The following PPP1R15A variants were observed in gnomAD, a reference collection of about 807,000 sequenced individuals.
The protein encoded by PPP1R15A is growth arrest and DNA damage-inducible protein GADD34.
A neutral mutation model predicts 48.5 loss-of-function variants in PPP1R15A; 43 were observed. The observed-to-expected ratio is 0.89, with a 90% CI of 0.69 to 1.14. The LOEUF (loss-of-function observed/expected upper bound fraction) is 1.14. Ranked by LOEUF, PPP1R15A falls within the 50% of genes most tolerant of loss-of-function variation. The pLI is 0.00. For synonymous variants in PPP1R15A, 327 were observed against 327.4 expected (o/e 1.00, Z 0.01); for missense variants, 868 against 847.2 (o/e 1.02, Z -0.30).
Position 48,873,245 on chromosome 19 carries a change from C to A in PPP1R15A, c.12C>A (p.Gly4=), listed in dbSNP as rs2037030275. MAP[G]QAPHQATPWR... is the part of the protein sequence containing the mutation. Reference sequence around the variant, plus strand: ...TCCAGCCCAGACACATGGCCCCAGGCCAAGCACCCCATCAGGCTACCCCGT... The same window carrying A: ...TCCAGCCCAGACACATGGCCCCAGGACAAGCACCCCATCAGGCTACCCCGT... Residue 4 remains glycine, a synonymous_variant, in exon 2 of 3, where the codon GGC becomes GGA. Coordinates refer to ENST00000200453, the MANE Select transcript of PPP1R15A (RefSeq NM_014330.5). 1.3e-6 allele frequency: 2 copies of A among 1,526,594 alleles called. No homozygotes were observed. Among genetic ancestry groups the A allele is most frequent in the South Asian group, 2.6e-5 (2 of 78,236 alleles). 94.6% of individuals were successfully genotyped at this position (1,526,594 alleles called of 1,614,324 possible). A position where few individuals can be genotyped will look rare whatever the true frequency, so the allele number is the denominator to read the frequency against.
chr19:48,873,207 T>C lies in PPP1R15A; in HGVS notation c.-9-18T>C. ...CTAAATGGCCCCTAAACTTTATTTT[T>C]TTCTCCCCCTTTTCCAGCCCAGACA... On this transcript the variant is annotated intron_variant, in intron 1 of 2. Transcript: ENST00000200453. 1 of 1,465,172 alleles carries C rather than the reference T, an allele frequency of 6.8e-7. No homozygotes were observed. Among genetic ancestry groups the C allele is most frequent in the Non-Finnish European group, 9.0e-7 (1 of 1,105,560 alleles). 90.8% of individuals were successfully genotyped at this position (1,465,172 alleles called of 1,614,324 possible). A position where few individuals can be genotyped will look rare whatever the true frequency, so the allele number is the denominator to read the frequency against.
Position 48,872,430 on chromosome 19 carries a change from G to C in PPP1R15A, c.-231G>C, listed in dbSNP as rs1439416718. ...GGCCATTGTGTTCGTTGCTCTTATC[G>C]GTTCCCATCCCAGTTGTTGATCTTA... On this transcript the variant is annotated 5_prime_UTR_variant, in exon 1 of 3. Coordinates refer to ENST00000200453, the MANE Select transcript of PPP1R15A (RefSeq NM_014330.5). 1 of 456,422 alleles carries C rather than the reference G, an allele frequency of 2.2e-6. No homozygotes were observed. Among genetic ancestry groups the C allele is most frequent in the Admixed American group, 2.3e-5 (1 of 42,562 alleles). 28.3% of individuals were successfully genotyped at this position (456,422 alleles called of 1,614,324 possible).
chr19:48,873,047 T>G (rs1199764819), intron 1 of PPP1R15A, among the ~76,000 whole-genome samples, 178 bp from the exon 2 acceptor site: 3 of 152,032 alleles, frequency 2.0e-5, no homozygotes, highest in Non-Finnish European at 4.4e-5. Context: ...TATTGAGAGA[T>G]AAGAACAGAG....
chr19:48,873,083 G>T (rs2037027932), intron 1 of PPP1R15A, 142 bp from the exon 2 acceptor site: 2 of 1,329,116 alleles, frequency 1.5e-6, no homozygotes, highest in African/African-American at 2.9e-5. Context: ...GGGCGTGGCC[G>T]AGATCAGAAA....
In PPP1R15A at chr19:48,874,597, A is replaced by G; in HGVS notation, c.1364A>G (p.Asp455Gly). 1.9e-6 allele frequency: 3 copies of G among 1,614,154 alleles called. No homozygotes were observed. Among genetic ancestry groups the G allele is most frequent in the Non-Finnish European group, 2.5e-6 (3 of 1,179,998 alleles). ...DEDVDSEDKE[D>G]DSEAALGEAE... is the part of the protein sequence containing the mutation. ...GATGTGGATAGTGAGGATAAGGAAG[A>G]TGATTCAGAAGCAGCCTTGGGAGAA... Residue 455 changes from aspartate to glycine, a missense_variant, in exon 2 of 3, where the codon GAT (aspartate) becomes GGT (glycine). Coordinates refer to ENST00000200453, the MANE Select transcript of PPP1R15A (RefSeq NM_014330.5).
chr19:48,875,451 A>C, intron 2 of PPP1R15A, 163 bp from the exon 3 acceptor site: 1 of 959,622 alleles, frequency 1.0e-6, no homozygotes, highest in Non-Finnish European at 1.5e-6. Flanking sequence ...TCAGATAGAT[A>C]GAGAATCCCG....
Position 48,874,509 on chromosome 19 carries a change from A to C in PPP1R15A, c.1276A>C (p.Ser426Arg), listed in dbSNP as rs2037054229. 1.9e-6 allele frequency: 3 copies of C among 1,613,582 alleles called. No individual in the cohort carries two copies. Among genetic ancestry groups the C allele is most frequent in the East Asian group, 4.5e-5 (2 of 44,852 alleles). ...AETSASTPPA[S>R]AFLKAWVYRP... is the part of the protein sequence containing the mutation. ...GACTTCTGCTTCCACACCCCCTGCAAGTGCTTTCTTGAAGGCCTGGGTGTA... is the reference window on the plus strand; with the variant it reads ...GACTTCTGCTTCCACACCCCCTGCACGTGCTTTCTTGAAGGCCTGGGTGTA... The change falls in exon 2 of 3, where the codon AGT becomes CGT. Residue 426 changes from serine (S) to arginine (R), a missense_variant. Physicochemically the swap from Ser to Arg is moderately radical, Grantham distance 110. Transcript: ENST00000200453.
Position 48,874,021 on chromosome 19 carries a change from G to C in PPP1R15A, c.788G>C (p.Arg263Pro), listed in dbSNP as rs148913925. 2 of 1,614,034 alleles carry C rather than the reference G, an allele frequency of 1.2e-6. No individual in the cohort carries two copies. The highest frequency in any genetic ancestry group is 8.5e-7 in the Non-Finnish European group (1 of 1,180,028). Reference protein sequence around the residue: ...SGSDPRSWEYRSGEASEEKEE... With the variant: ...SGSDPRSWEYPSGEASEEKEE... ...TCCGACCCCAGGTCCTGGGAGTATC[G>C]TTCAGGAGAGGCGTCCGAGGAGAAG... is the stretch of plus-strand genomic sequence containing the variant. The change falls in exon 2 of 3, where the codon CGT becomes CCT. Residue 263 changes from arginine to proline, a missense_variant. By Grantham distance (103) the Arg-to-Pro change is moderately radical (BLOSUM62 -2). Transcript: ENST00000200453.
chr19:48,875,666 CG>C lies in PPP1R15A; in HGVS notation c.1720del (p.Ala574ProfsTer30). 10 of 1,610,122 alleles carry C rather than the reference CG, an allele frequency of 6.2e-6. No homozygotes were observed. Among genetic ancestry groups the C allele is most frequent in the Non-Finnish European group, 7.6e-6 (9 of 1,178,748 alleles). On this transcript the variant is annotated frameshift_variant, in exon 3 of 3. Transcript: ENST00000200453. LOFTEE classifies it low-confidence loss of function (END_TRUNC). Reference protein sequence around the residue: ...TVHFLAVWAGPAQAARQGPWE... With the variant: ...TVHFLAVWAGXAQAARQGPWE... ...CATTTCCTGGCTGTCTGGGCAGGGC[CG>C]GCCCAGGCCGCCCGCCAGGGCCCCT...
chr19:48,875,936 C>A lies in PPP1R15A; in HGVS notation c.1988C>A (p.Ala663Glu), dbSNP rs1365912335. Residue 663 changes from alanine to glutamate, a missense_variant, in exon 3 of 3, where the codon GCA (alanine) becomes GAA (glutamate). Coordinates refer to ENST00000200453, the MANE Select transcript of PPP1R15A (RefSeq NM_014330.5). ...VATPSRSSAA[A>E]AAALDLSGRR... The stretch of plus-strand genomic sequence containing the variant: ...ACACCTTCCCGCTCGTCTGCTGCTG[C>A]AGCGGCTGCCCTGGACCTCAGTGGG... 6.2e-7 allele frequency: 1 copy of A among 1,607,870 alleles called. No homozygotes were observed.
intron 2 of PPP1R15A, 69 bp downstream of exon 2, chr19:48,874,967 C>G: frequency 1.4e-6 from 2 of 1,428,802 alleles, no homozygotes; most frequent in Non-Finnish European, 1.8e-6. Context: ...GGGCTGTCAC[C>G]CAGGCTGGAG....
intron 1 of PPP1R15A, 38 bp downstream of exon 1, chr19:48,872,689 C>T: frequency 3.0e-6 from 1 of 333,212 alleles, no homozygotes; most frequent in Non-Finnish European, 6.1e-6. Flanking sequence ...CCCCACGGGG[C>T]TGGGGGCCCG....
Position 48,873,213 on chromosome 19 carries a change from C to T in PPP1R15A, c.-9-12C>T. 1 of 1,475,974 alleles carries T rather than the reference C, an allele frequency of 6.8e-7. No individual in the cohort carries two copies. 91.4% of individuals were successfully genotyped at this position (1,475,974 alleles called of 1,614,324 possible). A position where few individuals can be genotyped will look rare whatever the true frequency, so the allele number is the denominator to read the frequency against. On this transcript the variant is annotated splice_polypyrimidine_tract_variant and intron_variant, in intron 1 of 2. Transcript: ENST00000200453. ...GGCCCCTAAACTTTATTTTTTTCTCCCCCTTTTCCAGCCCAGACACATGGC... is the reference window on the plus strand; with the variant it reads ...GGCCCCTAAACTTTATTTTTTTCTCTCCCTTTTCCAGCCCAGACACATGGC...
At chr19:48,872,739 AGCCTGAGGGAGGAGGGATCT>A (rs2037023086) in intron 1 of PPP1R15A, 88 bp downstream of exon 1, 1 of 292,590 alleles carries the variant, frequency 3.4e-6, no homozygotes, top group African/African-American at 2.2e-5. Flanking sequence ...TGGAGTCCTG[AGCCTGAGGGAGGAGGGATCT>A]GGAAGCCAGA....
At chr19:48,875,021 A>T in intron 2 of PPP1R15A, 123 bp downstream of exon 2, 1 of 1,200,394 alleles carries the variant, frequency 8.3e-7, no homozygotes, top group Non-Finnish European at 1.1e-6. Context: ...CTGCCGCCCA[A>T]GTTCAGGCGA....
chr19:48,874,463 C>G lies in PPP1R15A; in HGVS notation c.1230C>G (p.Ala410=). ...ATGAGGACAGTGATACAGGATCAGC[C>G]GAGGATGAAAGAGAAGCTGAGACTT... ...EEDEDSDTGS[A]EDEREAETSA... Residue 410 remains alanine (A), a synonymous_variant, in exon 2 of 3, where the codon GCC becomes GCG. Coordinates refer to ENST00000200453, the MANE Select transcript of PPP1R15A (RefSeq NM_014330.5). The G allele has an allele frequency of 1.2e-6, 2 of 1,611,486 alleles. No individual in the cohort carries two copies. Among genetic ancestry groups the G allele is most frequent in the East Asian group, 2.2e-5 (1 of 44,762 alleles).
rs752488798 is a variant in PPP1R15A, at chr19:48,873,565, T to G, written c.332T>G (p.Leu111Trp). 1 of 1,614,104 alleles carries G rather than the reference T, an allele frequency of 6.2e-7. No homozygotes were observed. The highest frequency in any genetic ancestry group is 1.1e-5 in the South Asian group (1 of 91,084). ...SSSLPEAWGL[L>W]DDDDGMYGER... ...TCCCTTCCTGAAGCCTGGGGACTTT[T>G]GGATGATGATGATGGCATGTATGGT... Residue 111 changes from leucine to tryptophan, a missense_variant, in exon 2 of 3, where the codon TTG (leucine) becomes TGG (tryptophan). Leu to Trp is a moderately conservative substitution (Grantham distance 61). Coordinates refer to ENST00000200453, the MANE Select transcript of PPP1R15A (RefSeq NM_014330.5).
chr19:48,873,763 T>A lies in PPP1R15A; in HGVS notation c.530T>A (p.Phe177Tyr), dbSNP rs1300801499. The change falls in exon 2 of 3, where the codon TTC (phenylalanine) becomes TAC (tyrosine). Residue 177 changes from phenylalanine (F) to tyrosine (Y), a missense_variant. Phe to Tyr is a conservative substitution (Grantham distance 22). Coordinates refer to ENST00000200453, the MANE Select transcript of PPP1R15A (RefSeq NM_014330.5). ...GVAEEEGVNKFSYPPSHRECC... is the reference protein window; with the variant it reads ...GVAEEEGVNKYSYPPSHRECC... ...GCTGAAGAGGAGGGAGTTAACAAGTTCTCTTATCCACCATCACACCGGGAG... is the reference window on the plus strand; with the variant it reads ...GCTGAAGAGGAGGGAGTTAACAAGTACTCTTATCCACCATCACACCGGGAG... 2 of 1,613,586 alleles carry A rather than the reference T, an allele frequency of 1.2e-6. No homozygotes were observed. The highest frequency in any genetic ancestry group is 1.7e-6 in the Non-Finnish European group (2 of 1,179,910).
Position 48,874,268 on chromosome 19 carries a change from G to A in PPP1R15A, c.1035G>A (p.Trp345Ter). ...CCTTCCTGAAGGCCTGGGTGTATTG[G>A]CCAGGAGAGGACACAGAGGAAGAGG... is the stretch of plus-strand genomic sequence containing the variant. ...PSAFLKAWVY[W>*]PGEDTEEEED... is the part of the protein sequence containing the mutation. The change falls in exon 2 of 3, where the codon TGG (tryptophan) becomes TGA (stop). Residue 345 changes from tryptophan to a stop codon, truncating the protein, a stop_gained. Transcript: ENST00000200453. LOFTEE classifies it high-confidence loss of function. The A allele has an allele frequency of 1.2e-6, 2 of 1,614,156 alleles. No homozygotes were observed. Among genetic ancestry groups the A allele is most frequent in the Non-Finnish European group, 1.7e-6 (2 of 1,180,030 alleles).
Sources: allele counts gnomAD v4.1 joint callset (sites outside exome capture counted in the v4.1 genomes callset), GRCh38; gene constraint gnomAD v4.1.1; transcripts MANE v1.5; gene names NCBI Gene and HGNC (gene_info 2026-07-23, HGNC 2026-07-21).